The following HTR3B variants were observed in gnomAD, a reference collection of about 807,000 sequenced individuals.
The protein encoded by HTR3B is 5-hydroxytryptamine (serotonin) receptor 3B, ionotropic.
Under a neutral mutation model 42.8 loss-of-function variants are expected in HTR3B, and 44 were observed. That is an observed-to-expected ratio of 1.03 (90% CI 0.81 to 1.32). The LOEUF (loss-of-function observed/expected upper bound fraction) is 1.32. Among genes scored for constraint, HTR3B ranks in the 40% most tolerant of loss-of-function variants. HTR3B has a pLI of 0.00. For synonymous variants in HTR3B, 203 were observed against 209.0 expected, an observed-to-expected ratio of 0.97 and a Z score of 0.25; for missense variants, 527 against 536.5, an observed-to-expected ratio of 0.98 and a Z score of 0.17.
In HTR3B at chr11:113,931,758, G is replaced by C; in HGVS notation, c.259G>C (p.Val87Leu). 1 of 1,588,934 alleles carries C rather than the reference G, an allele frequency of 6.3e-7. No homozygotes were observed. Among genetic ancestry groups the C allele is most frequent in the Non-Finnish European group, 8.6e-7 (1 of 1,157,146 alleles). ...TTTTCTTTTTGGCTACTACTAACAGGTCTGGAATGATGAATTTTTATCCTG... is the reference window on the plus strand; with the variant it reads ...TTTTCTTTTTGGCTACTACTAACAGCTCTGGAATGATGAATTTTTATCCTG... ...ILKTSVWYQEVWNDEFLSWNS... is the reference protein window; with the variant it reads ...ILKTSVWYQELWNDEFLSWNS... The change falls in exon 4 of 9, where the codon GTC becomes CTC. Residue 87 changes from valine to leucine, a missense_variant and splice_region_variant. Val to Leu is a conservative substitution (Grantham distance 32). Coordinates refer to ENST00000260191, the MANE Select transcript of HTR3B (RefSeq NM_006028.5).
chr11:113,928,022 G>A (rs562819284), intron 2 of HTR3B, among the ~76,000 whole-genome samples: 34 of 152,122 alleles, frequency 2.2e-4, no homozygotes, highest in African/African-American at 7.5e-4. Context: ...TTTTCCTGAC[G>A]CTCTCCCTCC....
chr11:113,928,817 G>C (rs989461509), intron 2 of HTR3B, among the ~76,000 whole-genome samples: 2 of 152,166 alleles, frequency 1.3e-5, no homozygotes, highest in African/African-American at 4.8e-5. Flanking sequence ...GATTACAGGC[G>C]TGAGCCACCG....
intron 2 of HTR3B, among the ~76,000 whole-genome samples, chr11:113,913,078 G>T (rs911422938): frequency 6.7e-6 from 1 of 149,872 alleles, no homozygotes; most frequent in Non-Finnish European, 1.5e-5. Context: ...TTTATTCCCA[G>T]TCTGTGTCTT....
intron 2 of HTR3B, among the ~76,000 whole-genome samples, chr11:113,916,504 T>C (rs1405756161): frequency 1.3e-5 from 2 of 152,226 alleles, no homozygotes; most frequent in Admixed American, 1.3e-4. Flanking sequence ...CTCGTTCTTC[T>C]TTTTAAAAAT....
intron 6 of HTR3B, among the ~76,000 whole-genome samples, chr11:113,934,928 T>C (rs45591234): frequency 0.03 from 4,630 of 152,050 alleles, 124 homozygotes; most frequent in Admixed American, 0.057. Flanking sequence ...ACCTACCAAG[T>C]GCTCCTGAGA....
intron 6 of HTR3B, among the ~76,000 whole-genome samples, chr11:113,938,395 A>C (rs1203379421): frequency 6.6e-6 from 1 of 152,082 alleles, no homozygotes; most frequent in Non-Finnish European, 1.5e-5. Flanking sequence ...CCCAAATCTC[A>C]TTGTTTAAAT....
chr11:113,912,246 C>CTTTTCTT (rs993243980), intron 2 of HTR3B, among the ~76,000 whole-genome samples: 1 of 151,742 alleles, frequency 6.6e-6, no homozygotes, highest in Non-Finnish European at 1.5e-5. Flanking sequence ...TTTCTTTTTT[C>CTTTTCTT]TTTTCTTTTT....
intron 2 of HTR3B, among the ~76,000 whole-genome samples, chr11:113,919,147 G>T (rs1056127359): frequency 5.3e-5 from 8 of 151,846 alleles, no homozygotes; most frequent in South Asian, 2.1e-4. Context: ...GCTTTTTAGC[G>T]ATCCATCTTT....
At chr11:113,927,137 A>G (rs1949983480) in intron 2 of HTR3B, among the ~76,000 whole-genome samples, 1 of 152,212 alleles carries the variant, frequency 6.6e-6, no homozygotes, top group Non-Finnish European at 1.5e-5. Context: ...CATAAAATTT[A>G]TCATCTTGAC....
At chr11:113,945,674 C>G (rs1402985881) in intron 8 of HTR3B, among the ~76,000 whole-genome samples, 1 of 152,254 alleles carries the variant, frequency 6.6e-6, no homozygotes, top group Non-Finnish European at 1.5e-5. Context: ...ATCTAGCACA[C>G]ATACACCCTG....
In HTR3B at chr11:113,904,859, C is replaced by A; in HGVS notation, c.-75C>A. On this transcript the variant is annotated 5_prime_UTR_variant, in exon 1 of 9. Transcript: ENST00000260191. ...GGAGGAGAACAGAGTGGAGAGGAAC[C>A]CTGTTAGGAGAAATTGAGCGGCATT... 6.2e-6 allele frequency: 7 copies of A among 1,133,756 alleles called. No homozygotes were observed. Among genetic ancestry groups the A allele is most frequent in the Non-Finnish European group, 9.4e-6 (7 of 742,736 alleles). The allele number at this position is 1,133,756 out of a possible 1,614,324, so 70.2% of individuals were successfully genotyped here.
chr11:113,927,752 G>C (rs565022244), intron 2 of HTR3B, among the ~76,000 whole-genome samples: 3 of 151,866 alleles, frequency 2.0e-5, no homozygotes. Context: ...TAGTGGAGAC[G>C]GGGTTTCATG....
At chr11:113,902,746 C>T (rs1021214615), upstream of HTR3B, among the ~76,000 whole-genome samples, 2 of 152,240 alleles carry the variant, frequency 1.3e-5, no homozygotes, top group Non-Finnish European at 2.9e-5. Flanking sequence ...AGTTTCAATT[C>T]TTCCCAAAAT....
intron 6 of HTR3B, among the ~76,000 whole-genome samples, chr11:113,935,204 G>A (rs1950081556): frequency 6.6e-6 from 1 of 150,834 alleles, no homozygotes; most frequent in African/African-American, 2.4e-5. Flanking sequence ...ACAGAAGATT[G>A]TCTAATGGAG....
chr11:113,924,242 T>C (rs1426753513), intron 2 of HTR3B, among the ~76,000 whole-genome samples: 1 of 152,172 alleles, frequency 6.6e-6, no homozygotes, highest in Non-Finnish European at 1.5e-5. Context: ...ACCTCATTGA[T>C]TGCAACCAAG....
chr11:113,932,253 T>C (rs111903011), intron 4 of HTR3B, 36 bp from the exon 5 acceptor site: 1 of 1,559,340 alleles, frequency 6.4e-7, no homozygotes, highest in Non-Finnish European at 8.8e-7. Context: ...ACCAACATCC[T>C]CTCTGTGACA....
Position 113,931,148 on chromosome 11 carries a change from A to T in HTR3B, c.214-236A>T, listed in dbSNP as rs187544922. Reference sequence around the variant, plus strand: ...AGATTAGCAAATCATTCAAGATGTCAAGGGCAGGCAAAGTGCCGTTTTGTC... The same window carrying T: ...AGATTAGCAAATCATTCAAGATGTCTAGGGCAGGCAAAGTGCCGTTTTGTC... On this transcript the variant is annotated intron_variant, in intron 2 of 8. Coordinates refer to ENST00000260191, the MANE Select transcript of HTR3B (RefSeq NM_006028.5). Among the ~76,000 whole-genome samples, 1,224 of 152,280 alleles carry T rather than the reference A, an allele frequency of 8.0e-3. 9 individuals are homozygous for T. The highest frequency in any genetic ancestry group is 0.012 in the Non-Finnish European group (799 of 68,000).
intron 4 of HTR3B, 103 bp downstream of exon 4, chr11:113,931,970 G>A (rs1191241084): frequency 1.3e-6 from 1 of 763,238 alleles, no homozygotes; most frequent in African/African-American, 1.7e-5. Context: ...TGCTTCTCAA[G>A]TTGAAGGGGA....
At chr11:113,918,806 G>A (rs1176757) in intron 2 of HTR3B, among the ~76,000 whole-genome samples, 3 of 151,942 alleles carry the variant, frequency 2.0e-5, no homozygotes, top group African/African-American at 4.8e-5. Flanking sequence ...ACAGGCATGC[G>A]CCACCACACC....
Sources: allele counts gnomAD v4.1 joint callset (sites outside exome capture counted in the v4.1 genomes callset), GRCh38; gene constraint gnomAD v4.1.1; transcripts MANE v1.5; gene names NCBI Gene and HGNC (gene_info 2026-07-23, HGNC 2026-07-21).